Variants in RGS17 observed in about 807,000 individuals in gnomAD.
RGS17 encodes regulator of G protein signaling 17, also known as regulator of G-protein signaling 17.
In RGS17, 12 loss-of-function variants were observed where a neutral mutation model predicts 25.5. That is an observed-to-expected ratio of 0.47 (90% CI 0.30 to 0.76). The LOEUF is 0.76. Among genes scored for constraint, RGS17 ranks in the 30% least tolerant of loss-of-function variants. The pLI is 0.07. For missense variants in RGS17, 196 were observed against 242.2 expected (o/e 0.81, Z 1.27); for synonymous variants, 71 against 76.9 (o/e 0.92, Z 0.40).
At chr6:153,022,286 A>G (rs148447879) in intron 4 of RGS17, among the ~76,000 whole-genome samples, 70 of 152,338 alleles carry the variant, frequency 4.6e-4, no homozygotes, top group African/African-American at 1.4e-3. Flanking sequence ...TTAAATAATC[A>G]CTATTGTAAC....
At chr6:153,117,985 T>C (rs1029277203) in intron 1 of RGS17, among the ~76,000 whole-genome samples, 1 of 152,190 alleles carries the variant, frequency 6.6e-6, no homozygotes, top group Non-Finnish European at 1.5e-5. Context: ...GGGACCACAT[T>C]AGGAAGACAG....
intron 1 of RGS17, among the ~76,000 whole-genome samples, chr6:153,085,399 G>A (rs989813671): frequency 2.6e-5 from 4 of 152,206 alleles, no homozygotes; most frequent in Non-Finnish European, 4.4e-5. Context: ...GAAATGAGCA[G>A]CTGGGTCAAA....
chr6:153,023,312 G>C, intron 4 of RGS17: 1 of 486,284 alleles, frequency 2.1e-6, no homozygotes, highest in South Asian at 1.5e-5. Context: ...TAAATGCAAA[G>C]GTAAAAATCA....
intron 1 of RGS17, among the ~76,000 whole-genome samples, chr6:153,045,648 A>G (rs113513859): frequency 6.6e-6 from 1 of 152,334 alleles, no homozygotes; most frequent in African/African-American, 2.4e-5. Context: ...TCAATGTGTT[A>G]CCTGAAAGCA....
At chr6:153,030,708 A>G (rs1409299528) in intron 2 of RGS17, among the ~76,000 whole-genome samples, 1 of 152,218 alleles carries the variant, frequency 6.6e-6, no homozygotes, top group Non-Finnish European at 1.5e-5. Context: ...AGCATTCAAG[A>G]TATCACAGTA....
intron 1 of RGS17, among the ~76,000 whole-genome samples, chr6:153,102,784 G>A (rs1188190320): frequency 1.3e-5 from 2 of 152,108 alleles, no homozygotes; most frequent in African/African-American, 4.8e-5. Flanking sequence ...GCATTTTGTT[G>A]TGCCCTTCAA....
chr6:153,035,080 G>A (rs1050331116), intron 2 of RGS17, among the ~76,000 whole-genome samples: 2 of 151,506 alleles, frequency 1.3e-5, no homozygotes, highest in African/African-American at 4.9e-5. Context: ...CTTGAACCTG[G>A]CAGGCAGAGG....
intron 1 of RGS17, among the ~76,000 whole-genome samples, chr6:153,104,674 G>A (rs192014919): frequency 7.9e-5 from 12 of 152,198 alleles, no homozygotes; most frequent in Admixed American, 7.9e-4. Flanking sequence ...AAAATCACAT[G>A]GAACATTTAA....
At chr6:153,054,098 A>ATATATGTATATATATG (rs1186222896) in intron 1 of RGS17, among the ~76,000 whole-genome samples, 2 of 88,760 alleles carry the variant, frequency 2.3e-5, no homozygotes, top group East Asian at 7.4e-4. Context: ...TTTTTTATAT[A>ATATATGTATATATATG]TATATATATA....
intron 1 of RGS17, among the ~76,000 whole-genome samples, chr6:153,080,021 C>T (rs971950261): frequency 2.0e-5 from 3 of 152,160 alleles, no homozygotes; most frequent in Non-Finnish European, 4.4e-5. Context: ...CTTGCTCTGT[C>T]GCCAGGCTGG....
At chr6:153,129,867 G>A (rs570721268) in intron 1 of RGS17, among the ~76,000 whole-genome samples, 1 of 152,356 alleles carries the variant, frequency 6.6e-6, no homozygotes, top group Non-Finnish European at 1.5e-5. Flanking sequence ...TCGTCCCCGG[G>A]CGACAGGGGT....
intron 1 of RGS17, among the ~76,000 whole-genome samples, chr6:153,056,210 T>C (rs1309621220): frequency 6.6e-6 from 1 of 152,164 alleles, no homozygotes; most frequent in African/African-American, 2.4e-5. Context: ...AAGAAATAAA[T>C]TGAAATATGT....
At chr6:153,071,010 T>C (rs963401175) in intron 1 of RGS17, among the ~76,000 whole-genome samples, 15 of 150,630 alleles carry the variant, frequency 1.0e-4, no homozygotes, top group African/African-American at 3.4e-4. Context: ...CATGTGTATA[T>C]GCACGTATGT....
chr6:153,077,060 TTGTGTG>T (rs1776892603), intron 1 of RGS17, among the ~76,000 whole-genome samples: 2 of 152,174 alleles, frequency 1.3e-5, no homozygotes, highest in African/African-American at 4.8e-5. Context: ...CCACCTGACA[TTGTGTG>T]CCTCATAACT....
intron 1 of RGS17, among the ~76,000 whole-genome samples, chr6:153,084,017 T>C (rs1022859533): frequency 6.6e-6 from 1 of 152,236 alleles, no homozygotes; most frequent in Non-Finnish European, 1.5e-5. Context: ...CCTCAGGCTG[T>C]CAGCATGTAG....
chr6:153,052,920 A>T (rs1776482524), intron 1 of RGS17, among the ~76,000 whole-genome samples: 1 of 152,020 alleles, frequency 6.6e-6, no homozygotes, highest in African/African-American at 2.4e-5. Flanking sequence ...CCCCCAGATT[A>T]CTCTCCTGCT....
intron 1 of RGS17, among the ~76,000 whole-genome samples, chr6:153,117,068 T>C (rs1777556623): frequency 6.6e-6 from 1 of 151,942 alleles, no homozygotes; most frequent in African/African-American, 2.4e-5. Context: ...GGACTTGAAG[T>C]ATAATAATTT....
intron 1 of RGS17, among the ~76,000 whole-genome samples, chr6:153,104,926 G>C (rs145271243): frequency 0.012 from 1,886 of 151,656 alleles, 49 homozygotes; most frequent in African/African-American, 0.042. Flanking sequence ...TCTGGGGGAG[G>C]AACATTTCAG....
intron 1 of RGS17, among the ~76,000 whole-genome samples, chr6:153,118,632 A>G (rs3870366): frequency 0.45 from 68,960 of 151,952 alleles, 16,253 homozygotes; most frequent in East Asian, 0.85. Context: ...ATTTCTCTTG[A>G]TGGTTTCTCA....
Sources: gnomAD v4.1 joint callset for allele counts (sites outside exome capture counted in the v4.1 genomes callset) on GRCh38, gnomAD v4.1.1 for gene constraint, MANE v1.5 for transcripts, NCBI Gene and HGNC (gene_info 2026-07-23, HGNC 2026-07-21) for gene names.